The following PTPRD variants were observed in gnomAD, a reference collection of about 807,000 sequenced individuals.
PTPRD encodes protein tyrosine phosphatase receptor type D, also known as receptor-type tyrosine-protein phosphatase delta.
In PTPRD, 34 loss-of-function variants were observed where a neutral mutation model predicts 214.5. That is an observed-to-expected ratio of 0.16 (90% CI 0.12 to 0.21). The LOEUF is 0.21. PTPRD is among the 10% of genes least tolerant of loss of function. The pLI, the probability that PTPRD is intolerant of heterozygous loss-of-function variation, is 1.00. For synonymous variants in PTPRD, 1,128 were observed against 845.7 expected, an observed-to-expected ratio of 1.33 and a Z score of -5.79; for missense variants, 2,545 against 2,398.7, an observed-to-expected ratio of 1.06 and a Z score of -1.27.
chr9:9,362,878 G>T (rs2056677486), intron 9 of PTPRD, among the ~76,000 whole-genome samples: 1 of 151,262 alleles, frequency 6.6e-6, no homozygotes, highest in African/African-American at 2.4e-5. Context: ...AGAATAGATA[G>T]AATAATTAAG....
intron 2 of PTPRD, among the ~76,000 whole-genome samples, chr9:10,398,583 A>T (rs1461381668): frequency 2.0e-5 from 3 of 152,002 alleles, no homozygotes; most frequent in Admixed American, 2.0e-4. Context: ...GGCACTATAG[A>T]TATAAATACA....
chr9:9,638,207 G>T (rs924845506), intron 7 of PTPRD, among the ~76,000 whole-genome samples: 8 of 151,936 alleles, frequency 5.3e-5, no homozygotes, highest in African/African-American at 1.9e-4. Flanking sequence ...TTCATATTTT[G>T]CTTCTCTTTT....
intron 2 of PTPRD, among the ~76,000 whole-genome samples, chr9:10,395,369 G>A (rs967620471): frequency 1.3e-5 from 2 of 149,044 alleles, no homozygotes; most frequent in African/African-American, 2.5e-5. Context: ...TTTTCTCATT[G>A]CGATAGTTTG....
rs73394257 is a variant in PTPRD at position 10,140,218 on chromosome 9, A to G, written c.-544-106428T>C. ...CCCCAATATCCAGAATCTATAAGAA[A>G]TGTAAATTAATCAATAAGCAAAAAA... is the stretch of plus-strand genomic sequence containing the variant. On this transcript the variant is annotated intron_variant, in intron 3 of 45. Transcript: ENST00000381196. Among the ~76,000 whole-genome samples, 937 of 152,126 alleles carry G rather than the reference A, an allele frequency of 6.2e-3. 8 individuals are homozygous for G. The highest frequency in any genetic ancestry group is 0.02 in the African/African-American group (849 of 41,526).
intron 3 of PTPRD, among the ~76,000 whole-genome samples, chr9:10,086,376 G>C (rs543499624): frequency 1.3e-5 from 2 of 151,666 alleles, no homozygotes; most frequent in African/African-American, 4.8e-5. Context: ...CTCCTTTTCA[G>C]CCACTGTGAT....
chr9:8,543,843 G>A (rs1381910433), intron 14 of PTPRD, among the ~76,000 whole-genome samples: 3 of 151,660 alleles, frequency 2.0e-5, no homozygotes, highest in Non-Finnish European at 2.9e-5. Flanking sequence ...CTCCCGAGTA[G>A]CTGGACTACA....
At chr9:8,865,306 T>G (rs567374684) in intron 11 of PTPRD, among the ~76,000 whole-genome samples, 5 of 152,272 alleles carry the variant, frequency 3.3e-5, no homozygotes, top group Admixed American at 3.3e-4. Flanking sequence ...GTGTACATAC[T>G]CAATGTAATG....
At chr9:8,542,364 T>C (rs2078691257) in intron 14 of PTPRD, among the ~76,000 whole-genome samples, 4 of 152,128 alleles carry the variant, frequency 2.6e-5, no homozygotes, top group South Asian at 2.1e-4. Context: ...AGTACCGAGA[T>C]AGCCCTGTGG....
intron 9 of PTPRD, among the ~76,000 whole-genome samples, chr9:9,289,340 C>T (rs879342992): frequency 6.6e-6 from 1 of 151,858 alleles, no homozygotes; most frequent in Non-Finnish European, 1.5e-5. Context: ...ACTACTAGAA[C>T]AGCTACATTG....
chr9:10,107,548 T>C (rs1048250787), intron 3 of PTPRD, among the ~76,000 whole-genome samples: 1 of 152,078 alleles, frequency 6.6e-6, no homozygotes, highest in Non-Finnish European at 1.5e-5. Flanking sequence ...ATCTCATCTG[T>C]CCAGCATGAA....
At chr9:9,274,881 GTAAA>G (rs1218883410) in intron 9 of PTPRD, among the ~76,000 whole-genome samples, 1 of 148,000 alleles carries the variant, frequency 6.8e-6, no homozygotes, top group African/African-American at 2.5e-5. Context: ...GATTCTACTC[GTAAA>G]TAATTTGGGA....
At chr9:9,967,508 A>C (rs1333167720) in intron 4 of PTPRD, among the ~76,000 whole-genome samples, 1 of 152,174 alleles carries the variant, frequency 6.6e-6, no homozygotes. Flanking sequence ...ATGTATTAGA[A>C]GGTATGCTAG....
intron 3 of PTPRD, among the ~76,000 whole-genome samples, chr9:10,068,090 A>G (rs1431608879): frequency 2.6e-5 from 4 of 151,968 alleles, no homozygotes; most frequent in Non-Finnish European, 5.9e-5. Context: ...AATGGATTCA[A>G]CAGGTCTATT....
At chr9:9,642,829 A>T (rs1293154908) in intron 7 of PTPRD, among the ~76,000 whole-genome samples, 1 of 152,194 alleles carries the variant, frequency 6.6e-6, no homozygotes. Flanking sequence ...TTCATACAAG[A>T]CAATTGGGGC....
chr9:8,487,392 TTG>T lies in PTPRD; in HGVS notation c.2468-1045_2468-1044del, dbSNP rs1563753054. ...TTATTGGAATCCACAGTGAAAGACA[TTG>T]AGGGATGATCATCAGAATAAAAACT... On this transcript the variant is annotated intron_variant, in intron 27 of 45. Transcript: ENST00000381196. 6.1e-4 allele frequency among the ~76,000 whole-genome samples: 93 copies of T among 152,240 alleles called. 1 individual carries two copies. The South Asian group carries it at 0.018, about 30-fold the overall frequency.
chr9:10,064,040 T>C (rs1249294190), intron 3 of PTPRD, among the ~76,000 whole-genome samples: 1 of 151,970 alleles, frequency 6.6e-6, no homozygotes, highest in African/African-American at 2.4e-5. Flanking sequence ...CAGAGTACTT[T>C]TCTCAGCTTG....
chr9:9,655,926 C>T (rs1026183569), intron 7 of PTPRD, among the ~76,000 whole-genome samples: 1 of 151,898 alleles, frequency 6.6e-6, no homozygotes, highest in Non-Finnish European at 1.5e-5. Context: ...TGCAGTGAAC[C>T]GAGATTGCAC....
chr9:8,417,224 G>T lies in PTPRD; in HGVS notation c.4087-12564C>A, dbSNP rs1281411575. ...ACTCCTATCAAATCCAAAAGAGTGG[G>T]AAGTTAAGTATAATCTTTACTTTAA... is the stretch of plus-strand genomic sequence containing the variant. On this transcript the variant is annotated intron_variant, in intron 35 of 45. Transcript: ENST00000381196. Among the ~76,000 whole-genome samples the T allele has an allele frequency of 2.6e-5, 4 of 152,040 alleles. No individual in the cohort carries two copies. In the East Asian group the frequency reaches 7.7e-4, roughly 29 times the overall value.
At chr9:10,161,673 T>C (rs2099127993) in intron 3 of PTPRD, among the ~76,000 whole-genome samples, 1 of 151,730 alleles carries the variant, frequency 6.6e-6, no homozygotes, top group African/African-American at 2.4e-5. Flanking sequence ...AAGCAAGGCA[T>C]TGCAAGCCAT....
Sources: allele counts gnomAD v4.1 joint callset (sites outside exome capture counted in the v4.1 genomes callset), GRCh38; gene constraint gnomAD v4.1.1; transcripts MANE v1.5; gene names NCBI Gene and HGNC (gene_info 2026-07-23, HGNC 2026-07-21).